TBC1D32: variants seen among roughly 807,000 people sequenced by gnomAD.
TBC1D32 encodes protein broad-minded.
Under a neutral mutation model 170.3 loss-of-function variants are expected in TBC1D32, and 151 were observed. The ratio of observed to expected loss-of-function variants is 0.89; its 90% confidence interval spans 0.78 to 1.01. The LOEUF (loss-of-function observed/expected upper bound fraction) is 1.01, where lower values mean the gene tolerates loss of function less well. Ranked by LOEUF, TBC1D32 falls within the 50% of genes least tolerant of loss-of-function variation. The pLI, the probability that TBC1D32 is intolerant of heterozygous loss-of-function variation, is 0.00. For missense variants in TBC1D32, 1,464 were observed against 1,457.1 expected, an observed-to-expected ratio of 1.00 and a Z score of -0.08; for synonymous variants, 498 against 488.0, an observed-to-expected ratio of 1.02 and a Z score of -0.27.
chr6:121,288,501 G>A (rs1383699646), intron 12 of TBC1D32, among the ~76,000 whole-genome samples: 2 of 152,124 alleles, frequency 1.3e-5, no homozygotes, highest in African/African-American at 4.8e-5. Context: ...TGAAATTCAG[G>A]CAATAATTAA....
intron 30 of TBC1D32, among the ~76,000 whole-genome samples, chr6:121,105,152 C>G (rs990064664): frequency 6.6e-6 from 1 of 151,700 alleles, no homozygotes; most frequent in Non-Finnish European, 1.5e-5. Context: ...AATTAGTTAA[C>G]AAAATTATGG....
chr6:121,216,646 G>A (rs11753397), intron 21 of TBC1D32, among the ~76,000 whole-genome samples: 17,869 of 152,184 alleles, frequency 0.12, 1,445 homozygotes, highest in Non-Finnish European at 0.18. Flanking sequence ...GGAATTTAGT[G>A]ACTCTATATG....
chr6:121,139,848 A>G (rs1287445030), intron 24 of TBC1D32: 2 of 152,162 alleles, frequency 1.3e-5, no homozygotes, highest in Non-Finnish European at 2.9e-5. Flanking sequence ...TGATTTAGAA[A>G]TGTTATCTAT....
Position 121,174,837 on chromosome 6 carries a change from C to T in TBC1D32, c.2571-13781G>A, listed in dbSNP as rs764387808. 1.6e-4 allele frequency among the ~76,000 whole-genome samples: 25 copies of T among 151,922 alleles called. 1 individual carries two copies. The highest frequency in any genetic ancestry group is 3.5e-4 in the Non-Finnish European group (24 of 67,992). ...CTTGATTCCACGAATTCGAGGCCAG[C>T]CTGGGCAACATAGCAAAACCTGTCT... is the stretch of plus-strand genomic sequence containing the variant. On this transcript the variant is annotated intron_variant, in intron 22 of 31. Coordinates refer to ENST00000398212, the MANE Select transcript of TBC1D32 (RefSeq NM_152730.6).
At chr6:121,248,556 C>T (rs56319303) in intron 17 of TBC1D32, among the ~76,000 whole-genome samples, 40 of 151,428 alleles carry the variant, frequency 2.6e-4, no homozygotes, top group South Asian at 1.0e-3. Flanking sequence ...AACTGATAAC[C>T]ATTAGCAAGA....
chr6:121,307,225 A>G lies in TBC1D32; in HGVS notation c.690+751T>C, dbSNP rs375751477. Among the ~76,000 whole-genome samples, 18 of 151,904 alleles carry G rather than the reference A, an allele frequency of 1.2e-4. No homozygotes were observed. The East Asian group carries it at 2.5e-3, about 21-fold the overall frequency. ...CTCCATCTCTACAAAAAATACAAAA[A>G]TCAGCCAGGCATGGTAGTGCATGCC... On this transcript the variant is annotated intron_variant, in intron 5 of 31. Coordinates refer to ENST00000398212, the MANE Select transcript of TBC1D32 (RefSeq NM_152730.6).
chr6:121,288,192 C>CA (rs1459906337), intron 12 of TBC1D32, among the ~76,000 whole-genome samples: 4 of 151,950 alleles, frequency 2.6e-5, no homozygotes, highest in Admixed American at 2.0e-4. Flanking sequence ...AAAAACTCTT[C>CA]AAAAAATCAA....
intron 20 of TBC1D32, among the ~76,000 whole-genome samples, chr6:121,233,330 T>C (rs943379410): frequency 6.6e-6 from 1 of 152,192 alleles, no homozygotes; most frequent in African/African-American, 2.4e-5. Context: ...ACTATTATTG[T>C]GTTGCCATCT....
chr6:121,290,321 CA>C (rs1303357507), intron 12 of TBC1D32, among the ~76,000 whole-genome samples: 1 of 152,142 alleles, frequency 6.6e-6, no homozygotes, highest in Non-Finnish European at 1.5e-5. Context: ...CAAACAACCC[CA>C]TCAACAAGTG....
At chr6:121,294,385 G>A (rs924662017) in intron 11 of TBC1D32, among the ~76,000 whole-genome samples, 185 bp downstream of exon 11, 1 of 151,622 alleles carries the variant, frequency 6.6e-6, no homozygotes, top group Non-Finnish European at 1.5e-5. Flanking sequence ...ATGTAGATCT[G>A]TTATAAAAAA....
intron 1 of TBC1D32, 101 bp downstream of exon 1, chr6:121,334,175 C>T: frequency 1.1e-6 from 1 of 904,798 alleles, no homozygotes; most frequent in Non-Finnish European, 1.6e-6. Flanking sequence ...CCAAGTTGGG[C>T]ACTATTTTAA....
intron 30 of TBC1D32, among the ~76,000 whole-genome samples, chr6:121,101,166 G>C (rs931961157): frequency 3.9e-5 from 6 of 152,058 alleles, no homozygotes; most frequent in African/African-American, 1.4e-4. Flanking sequence ...GTACAAGGAG[G>C]AGCTGGTACC....
chr6:121,249,370 G>A lies in TBC1D32; in HGVS notation c.2018+5958C>T, dbSNP rs375727646. 1.4e-4 allele frequency among the ~76,000 whole-genome samples: 22 copies of A among 151,996 alleles called. No homozygotes were observed. The East Asian group carries it at 3.9e-3, about 27-fold the overall frequency. ...CCACAGCCAACATCATAGAGAATCG[G>A]AAAAAGTTGAAAGCATTCCCCCTGA... On this transcript the variant is annotated intron_variant, in intron 17 of 31. Transcript: ENST00000398212.
chr6:121,227,797 C>T (rs1050462168), intron 20 of TBC1D32, among the ~76,000 whole-genome samples: 6 of 152,052 alleles, frequency 3.9e-5, no homozygotes, highest in African/African-American at 1.4e-4. Context: ...GTTTTTATAT[C>T]AGTGTTATGC....
At chr6:121,156,890 T>C (rs1784961546) in intron 24 of TBC1D32, among the ~76,000 whole-genome samples, 1 of 152,168 alleles carries the variant, frequency 6.6e-6, no homozygotes, top group African/African-American at 2.4e-5. Context: ...CTTGGCATCA[T>C]TTTTAAAAAT....
rs138741274 is a variant in TBC1D32 at position 121,310,138 on chromosome 6, A to G, written c.564+641T>C. Among the ~76,000 whole-genome samples, 14 of 152,192 alleles carry G rather than the reference A, an allele frequency of 9.2e-5. No homozygotes were observed. In the East Asian group the frequency reaches 2.7e-3, roughly 29 times the overall value. On this transcript the variant is annotated intron_variant, in intron 4 of 31. Transcript: ENST00000398212. ...GTAACTGCTGGTCAAAGGATACAAA[A>G]TTTCAGTTAGGAGAAGTAAATTCAA... is the stretch of plus-strand genomic sequence containing the variant.
intron 22 of TBC1D32, among the ~76,000 whole-genome samples, chr6:121,181,510 A>C (rs1054543030): frequency 1.3e-5 from 2 of 152,140 alleles, no homozygotes; most frequent in Non-Finnish European, 2.9e-5. Flanking sequence ...TACAGCCTGC[A>C]GAACCATAAG....
Position 121,161,029 on chromosome 6 carries a change from C to T in TBC1D32, c.2598G>A (p.Val866=). 6.2e-7 allele frequency: 1 copy of T among 1,612,898 alleles called. No individual in the cohort carries two copies. Among genetic ancestry groups the T allele is most frequent in the Non-Finnish European group, 8.5e-7 (1 of 1,179,518 alleles). Residue 866 remains valine, a synonymous_variant, in exon 23 of 32, where the codon GTG becomes GTA. Transcript: ENST00000398212. ...TTCTAACAAGAACATGATTTCTCTC[C>T]ACTGATAAGCCATCAATTATAAAGT... The part of the protein sequence containing the change: ...LRDFIIDGLS[V]ERNHVLVRIN...
At chr6:121,243,632 A>G (rs1243575990) in intron 17 of TBC1D32, among the ~76,000 whole-genome samples, 1 of 152,052 alleles carries the variant, frequency 6.6e-6, no homozygotes, top group East Asian at 1.9e-4. Context: ...TGAAGAATAT[A>G]TTGTCTTTTC....
Sources: gnomAD v4.1 joint callset for allele counts (sites outside exome capture counted in the v4.1 genomes callset) on GRCh38, gnomAD v4.1.1 for gene constraint, MANE v1.5 for transcripts, NCBI Gene and HGNC (gene_info 2026-07-23, HGNC 2026-07-21) for gene names.